DENND4A: variants seen among roughly 807,000 people sequenced by gnomAD.
DENND4A encodes DENN domain containing 4A, also known as C-myc promoter-binding protein.
A neutral mutation model predicts 199.3 loss-of-function variants in DENND4A; 70 were observed. The observed-to-expected ratio is 0.35, with a 90% CI of 0.29 to 0.43. The LOEUF (loss-of-function observed/expected upper bound fraction) is 0.43, where lower values mean the gene tolerates loss of function less well. Among genes scored for constraint, DENND4A ranks in the 20% least tolerant of loss-of-function variants. DENND4A has a pLI of 1.00. For missense variants in DENND4A, 1,723 were observed against 2,255.8 expected (o/e 0.76, Z 4.78); for synonymous variants, 686 against 766.9 (o/e 0.89, Z 1.74).
chr15:65,775,994 G>A (rs1469982947), intron 1 of DENND4A, among the ~76,000 whole-genome samples: 1 of 152,144 alleles, frequency 6.6e-6, no homozygotes, highest in Non-Finnish European at 1.5e-5. Context: ...TAATATTGGA[G>A]ACCTGCTCTT....
Position 65,708,456 on chromosome 15 carries a change from T to C in DENND4A, c.1954-2232A>G, listed in dbSNP as rs989414484. Among the ~76,000 whole-genome samples, 4 of 152,208 alleles carry C rather than the reference T, an allele frequency of 2.6e-5. No individual in the cohort carries two copies. The East Asian group carries it at 7.7e-4, about 29-fold the overall frequency. The stretch of plus-strand genomic sequence containing the variant: ...CTGCTCTAGTTTTCGGTAAAGTCTA[T>C]ACAAATATTAAAATTTTGCACTGTA... On this transcript the variant is annotated intron_variant, in intron 14 of 32. Coordinates refer to ENST00000443035, the MANE Select transcript of DENND4A (RefSeq NM_001320835.1).
chr15:65,669,932 T>C lies in DENND4A; in HGVS notation c.4641-7A>G, dbSNP rs2076166228. 2 of 1,612,578 alleles carry C rather than the reference T, an allele frequency of 1.2e-6. No homozygotes were observed. The highest frequency in any genetic ancestry group is 1.7e-6 in the Non-Finnish European group (2 of 1,179,080). On this transcript the variant is annotated splice_region_variant and splice_polypyrimidine_tract_variant and intron_variant, in intron 26 of 32. Transcript: ENST00000443035. Reference sequence around the variant, plus strand: ...GCTTGACTTTAGAAAGTATCTGTAATGTGAATCGAAGGAACTTTTTGAGAA... The same window carrying C: ...GCTTGACTTTAGAAAGTATCTGTAACGTGAATCGAAGGAACTTTTTGAGAA...
chr15:65,742,482 A>G (rs897537444), intron 4 of DENND4A, among the ~76,000 whole-genome samples: 17 of 150,354 alleles, frequency 1.1e-4, no homozygotes, highest in African/African-American at 3.7e-4. Flanking sequence ...TAGAGTCGCA[A>G]TGGTGCAATC....
chr15:65,681,972 T>C (rs539653774), intron 23 of DENND4A, among the ~76,000 whole-genome samples: 10 of 152,200 alleles, frequency 6.6e-5, no homozygotes, highest in African/African-American at 2.4e-4. Flanking sequence ...CAACAATGGG[T>C]TTAAACATTC....
intron 14 of DENND4A, among the ~76,000 whole-genome samples, chr15:65,714,773 G>A (rs1031676623): frequency 6.6e-6 from 1 of 152,106 alleles, no homozygotes; most frequent in African/African-American, 2.4e-5. Flanking sequence ...CCCTGAACAT[G>A]GATACCCTCT....
rs764864062 is a variant in DENND4A at position 65,665,381 on chromosome 15, G to C, written c.5323C>G (p.Pro1775Ala). 1.2e-6 allele frequency: 2 copies of C among 1,613,728 alleles called. No individual in the cohort carries two copies. Among genetic ancestry groups the C allele is most frequent in the East Asian group, 2.2e-5 (1 of 44,858 alleles). ...CAGAGAATGTACAAGGGCTGTCCCG[G>C]ATCCTGATGTAACTTCATATTGTCC... ...LWDNMKLHQD[P>A]GQPLYILWNA... Residue 1775 changes from proline to alanine, a missense_variant, in exon 30 of 33, where the codon CCG becomes GCG. Pro to Ala is a conservative substitution (Grantham distance 27). Transcript: ENST00000443035.
At chr15:65,677,505 G>A (rs1376124660) in intron 23 of DENND4A, among the ~76,000 whole-genome samples, 1 of 152,180 alleles carries the variant, frequency 6.6e-6, no homozygotes, top group Admixed American at 6.5e-5. Context: ...CACCGTGCCT[G>A]GCCGGGCTTT....
chr15:65,680,219 T>C (rs1487372765), intron 23 of DENND4A, among the ~76,000 whole-genome samples: 1 of 152,236 alleles, frequency 6.6e-6, no homozygotes, highest in Non-Finnish European at 1.5e-5. Flanking sequence ...TGGTAGCTGA[T>C]CTCTCTTATG....
At chr15:65,717,227 T>C (rs1234615040) in intron 13 of DENND4A, among the ~76,000 whole-genome samples, 2 of 152,158 alleles carry the variant, frequency 1.3e-5, no homozygotes, top group Admixed American at 1.3e-4. Flanking sequence ...ACTCAATATA[T>C]ACTTATTAAA....
At position 65,783,814 on chromosome 15, in the gene DENND4A, G is replaced by A. The variant is rs1054718156; in HGVS notation, c.-102+8196C>T. Among the ~76,000 whole-genome samples the A allele has an allele frequency of 2.0e-5, 3 of 151,976 alleles. No individual in the cohort carries two copies. The East Asian group carries it at 5.8e-4, about 29-fold the overall frequency. ...TCCATACATATATAAATAAATGATT[G>A]AATAAATATATAAACGGAGAAGAAA... On this transcript the variant is annotated intron_variant, in intron 1 of 32. Transcript: ENST00000443035.
In DENND4A at chr15:65,700,604, G is replaced by T; in HGVS notation, c.2773C>A (p.Gln925Lys). The change falls in exon 20 of 33, where the codon CAG (glutamine) becomes AAG (lysine). Residue 925 changes from glutamine to lysine, a missense_variant. Gln to Lys is a moderately conservative substitution (Grantham distance 53, BLOSUM62 1). Around this residue, in one of 6 missense-constraint regions of DENND4A, gnomAD observed 650 missense variants for 738.1 expected, o/e 0.88. Coordinates refer to ENST00000443035, the MANE Select transcript of DENND4A (RefSeq NM_001320835.1). ...DSGHGTHTVEQAPFNTGLIKV... is the reference protein window; with the variant it reads ...DSGHGTHTVEKAPFNTGLIKV... ...ATTAAACCCGTATTAAAAGGTGCCTGCTCCACAGTGTGTGTCCCATGACCA... is the reference window on the plus strand; with the variant it reads ...ATTAAACCCGTATTAAAAGGTGCCTTCTCCACAGTGTGTGTCCCATGACCA... 6.5e-7 allele frequency: 1 copy of T among 1,546,844 alleles called. No homozygotes were observed. Among genetic ancestry groups the T allele is most frequent in the Non-Finnish European group, 8.7e-7 (1 of 1,144,852 alleles).
rs770450452 is a variant in DENND4A, at chr15:65,697,222, T to A, written c.2950+45A>T. Reference sequence around the variant, plus strand: ...TAAAATCACCTGCATTTTCTATGAATATAAGTTCTCAATTTTATACAATAT... The same window carrying A: ...TAAAATCACCTGCATTTTCTATGAAAATAAGTTCTCAATTTTATACAATAT... On this transcript the variant is annotated intron_variant, in intron 21 of 32. Transcript: ENST00000443035. The A allele has an allele frequency of 5.8e-6, 7 of 1,204,028 alleles. No homozygotes were observed. In the Admixed American group the frequency reaches 1.1e-4, roughly 19 times the overall value. 74.6% of individuals were successfully genotyped at this position (1,204,028 alleles called of 1,614,324 possible).
intron 29 of DENND4A, among the ~76,000 whole-genome samples, 155 bp downstream of exon 29, chr15:65,667,294 C>A (rs375137117): frequency 6.6e-6 from 1 of 152,248 alleles, no homozygotes; most frequent in South Asian, 2.1e-4. Flanking sequence ...AGTGCCACTG[C>A]ACTCCAGCCT....
chr15:65,769,389 C>T (rs2077070013), intron 1 of DENND4A, among the ~76,000 whole-genome samples: 1 of 152,134 alleles, frequency 6.6e-6, no homozygotes, highest in Middle Eastern at 3.2e-3. Context: ...TTTGTTGTTC[C>T]TGTTTTAATT....
At chr15:65,772,820 G>A (rs1596670824) in intron 1 of DENND4A, among the ~76,000 whole-genome samples, 1 of 150,016 alleles carries the variant, frequency 6.7e-6, no homozygotes, top group East Asian at 2.0e-4. Flanking sequence ...TGAATCTAGA[G>A]CTAAAGTAGC....
chr15:65,784,573 G>A (rs1369896430), intron 1 of DENND4A, among the ~76,000 whole-genome samples: 1 of 152,022 alleles, frequency 6.6e-6, no homozygotes, highest in African/African-American at 2.4e-5. Flanking sequence ...TAAAAATATG[G>A]GGAAGTTGTT....
chr15:65,726,252 C>G (rs889674210), intron 11 of DENND4A: 2 of 152,124 alleles, frequency 1.3e-5, no homozygotes, highest in Non-Finnish European at 2.9e-5. Context: ...GTCAAGACAC[C>G]TAGCTGAGAA....
chr15:65,729,164 T>G lies in DENND4A; in HGVS notation c.1395A>C (p.Pro465=), dbSNP rs1468056145. The change falls in exon 11 of 33, where the codon CCA becomes CCC. Residue 465 remains proline (P), a synonymous_variant. Coordinates refer to ENST00000443035, the MANE Select transcript of DENND4A (RefSeq NM_001320835.1). ...ATCTTGAATCAATCCCTACTATGAA[T>G]GGACATGGTGCACTCAAGACATCTG... ...ALADVLSAPC[P]FIVGIDSRYF... 6.3e-7 allele frequency: 1 copy of G among 1,590,306 alleles called. No homozygotes were observed. The highest frequency in any genetic ancestry group is 8.6e-7 in the Non-Finnish European group (1 of 1,167,386).
intron 13 of DENND4A, among the ~76,000 whole-genome samples, chr15:65,716,691 T>C (rs62014392): frequency 0.045 from 6,771 of 151,984 alleles, 175 homozygotes; most frequent in South Asian, 0.085. Flanking sequence ...TTGTGAATAG[T>C]GCCGCAATAA....
Sources: allele counts gnomAD v4.1 joint callset (sites outside exome capture counted in the v4.1 genomes callset), GRCh38; gene constraint gnomAD v4.1.1; regional missense constraint gnomAD v4.1.1; transcripts MANE v1.5; gene names NCBI Gene and HGNC (gene_info 2026-07-23, HGNC 2026-07-21).